ABCB11: variants seen among roughly 807,000 people sequenced by gnomAD.
The protein encoded by ABCB11 is bile salt export pump.
Under a neutral mutation model 148.0 loss-of-function variants are expected in ABCB11, and 95 were observed. That is an observed-to-expected ratio of 0.64 (90% CI 0.54 to 0.76). ABCB11 has a LOEUF of 0.76. Among genes scored for constraint, ABCB11 ranks in the 30% least tolerant of loss-of-function variants. ABCB11 has a pLI of 0.00. For synonymous variants in ABCB11, 591 were observed against 555.4 expected, an observed-to-expected ratio of 1.06 and a Z score of -0.90; for missense variants, 1,523 against 1,617.8, an observed-to-expected ratio of 0.94 and a Z score of 1.01.
At position 168,991,030 on chromosome 2, in the gene ABCB11, T is replaced by G; in HGVS notation, c.784-105A>C. ...ATGTGGCATGGGTTTAATACAATATTAGATTCTCACTGTAACATCATTGAC... is the reference window on the plus strand; with the variant it reads ...ATGTGGCATGGGTTTAATACAATATGAGATTCTCACTGTAACATCATTGAC... On this transcript the variant is annotated intron_variant, in intron 8 of 27. Transcript: ENST00000650372. 3 of 1,325,434 alleles carry G rather than the reference T, an allele frequency of 2.3e-6. No individual in the cohort carries two copies. The South Asian group carries it at 4.3e-5, about 19-fold the overall frequency. The allele number at this position is 1,325,434 out of a possible 1,614,324, so 82.1% of individuals were successfully genotyped here.
chr2:169,013,153 C>G, intron 5 of ABCB11, 119 bp downstream of exon 5: 1 of 697,398 alleles, frequency 1.4e-6, no homozygotes, highest in East Asian at 2.6e-5. Flanking sequence ...ACTCATGTTT[C>G]TATTCTCTTT....
At chr2:168,973,635 A>G in intron 13 of ABCB11, 80 bp downstream of exon 13, 1 of 1,532,474 alleles carries the variant, frequency 6.5e-7, no homozygotes, top group South Asian at 1.2e-5. Context: ...AATGTATGCT[A>G]CACCTTTCTG....
chr2:168,949,284 T>C (rs183313021), intron 19 of ABCB11, among the ~76,000 whole-genome samples: 1 of 151,798 alleles, frequency 6.6e-6, no homozygotes, highest in Non-Finnish European at 1.5e-5. Flanking sequence ...TCTGGGCTTT[T>C]AGTGCACCCA....
rs958336437 is a variant in ABCB11 at position 168,922,693 on chromosome 2, T to G, written c.*929A>C. Among the ~76,000 whole-genome samples, 1 of 152,232 alleles carries G rather than the reference T, an allele frequency of 6.6e-6. No homozygotes were observed. The highest frequency in any genetic ancestry group is 1.5e-5 in the Non-Finnish European group (1 of 68,042). On this transcript the variant is annotated 3_prime_UTR_variant, in exon 28 of 28. Transcript: ENST00000650372. ...TCTTGTAGATTCCTGCCGCCTTTAG[T>G]TCTATGTCATTCTGTGGTGTTTTGA...
chr2:168,964,473 C>G (rs1454061529), intron 17 of ABCB11, among the ~76,000 whole-genome samples, 165 bp from the exon 18 acceptor site: 3 of 151,732 alleles, frequency 2.0e-5, no homozygotes, highest in Non-Finnish European at 4.4e-5. Flanking sequence ...CAGAGCTAAT[C>G]TTAGGGCAGA....
intron 5 of ABCB11, among the ~76,000 whole-genome samples, chr2:169,000,604 T>A (rs754965033): frequency 6.6e-6 from 1 of 152,154 alleles, no homozygotes; most frequent in Non-Finnish European, 1.5e-5. Context: ...GGTCTATTTC[T>A]GAGTTCTCCA....
At chr2:168,980,670 C>T (rs1006650240) in intron 10 of ABCB11, among the ~76,000 whole-genome samples, 9 of 152,152 alleles carry the variant, frequency 5.9e-5, no homozygotes, top group African/African-American at 2.2e-4. Flanking sequence ...AGGCTTTTGA[C>T]TGCCATTCTA....
intron 1 of ABCB11, 124 bp from the exon 2 acceptor site, chr2:169,018,276 G>T: frequency 2.4e-6 from 2 of 845,496 alleles, no homozygotes; most frequent in Non-Finnish European, 3.6e-6. Context: ...TCAGACAAAA[G>T]TTTTAAAATC....
chr2:169,026,313 TG>T (rs1695692944), intron 1 of ABCB11, among the ~76,000 whole-genome samples: 1 of 152,192 alleles, frequency 6.6e-6, no homozygotes, highest in African/African-American at 2.4e-5. Context: ...TGTTCTTTTT[TG>T]ACATGCCAAG....
intron 1 of ABCB11, among the ~76,000 whole-genome samples, chr2:169,024,608 A>T (rs1184720281): frequency 6.6e-6 from 1 of 152,192 alleles, no homozygotes; most frequent in African/African-American, 2.4e-5. Flanking sequence ...TTGATACATT[A>T]TTATTAGCTA....
chr2:168,949,770 G>C (rs1483069808), intron 19 of ABCB11, among the ~76,000 whole-genome samples: 1 of 151,514 alleles, frequency 6.6e-6, no homozygotes, highest in Non-Finnish European at 1.5e-5. Flanking sequence ...GATCCCCTGG[G>C]TGAGTCTGTG....
intron 11 of ABCB11, among the ~76,000 whole-genome samples, chr2:168,978,159 T>TTTTTC (rs1693995137): frequency 7.0e-6 from 1 of 141,942 alleles, no homozygotes; most frequent in African/African-American, 2.7e-5. Flanking sequence ...TTTTTTTTTT[T>TTTTTC]TTCAGAGACA....
At chr2:168,949,670 TC>T (rs1205231923) in intron 19 of ABCB11, among the ~76,000 whole-genome samples, 1 of 151,684 alleles carries the variant, frequency 6.6e-6, no homozygotes, top group Non-Finnish European at 1.5e-5. Context: ...AGTGCAGGTA[TC>T]TTTTTGACAT....
At chr2:168,955,438 G>A (rs1236013553) in intron 19 of ABCB11, among the ~76,000 whole-genome samples, 1 of 151,552 alleles carries the variant, frequency 6.6e-6, no homozygotes, top group Non-Finnish European at 1.5e-5. Flanking sequence ...CAAAGCAGGA[G>A]GAAGAAAGAG....
chr2:168,979,507 C>T (rs1694053246), intron 11 of ABCB11, among the ~76,000 whole-genome samples: 1 of 151,806 alleles, frequency 6.6e-6, no homozygotes, highest in South Asian at 2.1e-4. Context: ...ACTGCCTGTC[C>T]TCTCCCAGCA....
chr2:168,956,165 A>C (rs1023645512), intron 19 of ABCB11, among the ~76,000 whole-genome samples: 9 of 151,656 alleles, frequency 5.9e-5, no homozygotes, highest in African/African-American at 2.2e-4. Context: ...AAAGGGGAAG[A>C]CTACAAAGTT....
chr2:168,960,786 A>G (rs1693038665), intron 18 of ABCB11, among the ~76,000 whole-genome samples: 1 of 151,782 alleles, frequency 6.6e-6, no homozygotes, highest in Non-Finnish European at 1.5e-5. Context: ...GGAATAAAAG[A>G]AAACAATACA....
intron 1 of ABCB11, among the ~76,000 whole-genome samples, chr2:169,029,186 C>T (rs1695787855): frequency 6.6e-6 from 1 of 152,112 alleles, no homozygotes. Flanking sequence ...CAAACTCCCC[C>T]TTCACAGAGC....
At chr2:168,928,641 T>C (rs1691426375) in intron 25 of ABCB11, among the ~76,000 whole-genome samples, 1 of 152,198 alleles carries the variant, frequency 6.6e-6, no homozygotes, top group East Asian at 1.9e-4. Flanking sequence ...CAGAGAAATA[T>C]ACTTAATGTA....
Sources: gnomAD v4.1 joint callset for allele counts (sites outside exome capture counted in the v4.1 genomes callset) on GRCh38, gnomAD v4.1.1 for gene constraint, MANE v1.5 for transcripts, NCBI Gene and HGNC (gene_info 2026-07-23, HGNC 2026-07-21) for gene names.